ZNF578: variants seen among roughly 807,000 people sequenced by gnomAD.
The protein encoded by ZNF578 is Putative chemokine-related protein B42.
Under a neutral mutation model 8.3 loss-of-function variants are expected in ZNF578, and 8 were observed. The observed-to-expected ratio is 0.96, with a 90% CI of 0.56 to 1.74. The LOEUF (loss-of-function observed/expected upper bound fraction) is 1.74. Among genes scored for constraint, ZNF578 ranks in the 40% most tolerant of loss-of-function variants. The probability of loss-of-function intolerance (pLI) is 0.00; values close to 1 mark genes in which losing one functional copy is unlikely to be tolerated. For missense variants in ZNF578, 726 were observed against 707.5 expected, an observed-to-expected ratio of 1.03 and a Z score of -0.30; for synonymous variants, 206 against 232.2, an observed-to-expected ratio of 0.89 and a Z score of 1.03.
chr19:52,491,707 T>A (rs2059365519), intron 3 of ZNF578, among the ~76,000 whole-genome samples: 1 of 151,916 alleles, frequency 6.6e-6, no homozygotes, highest in Non-Finnish European at 1.5e-5. Context: ...AGAGAAATAC[T>A]GTCTTAAAAA....
chr19:52,486,181 G>T (rs779856799), intron 2 of ZNF578, among the ~76,000 whole-genome samples: 2 of 152,186 alleles, frequency 1.3e-5, no homozygotes, highest in Non-Finnish European at 2.9e-5. Flanking sequence ...TTATGTATAT[G>T]CACATCAAAG....
chr19:52,484,109 G>T (rs1048559360), intron 2 of ZNF578, among the ~76,000 whole-genome samples: 1 of 152,202 alleles, frequency 6.6e-6, no homozygotes, highest in Non-Finnish European at 1.5e-5. Context: ...AGGAAAACTT[G>T]TGAACAAATG....
At chr19:52,469,167 G>GTTTTTTTTTTTTTTTTTTTTTTTTTTTT (rs3054902) in intron 2 of ZNF578, among the ~76,000 whole-genome samples, 1 of 130,614 alleles carries the variant, frequency 7.7e-6, no homozygotes, top group Non-Finnish European at 1.6e-5. Context: ...GTTTTTTTTT[G>GTTTTTTTTTTTTTTTTTTTTTTTTTTTT]TTTTTTTTTT....
rs1555751349 is a variant in ZNF578, at chr19:52,459,769, A to ATATATATTTTTTTTTT, written c.-122+2812_-122+2813insATATATTTTTTTTTTT. Among the ~76,000 whole-genome samples, 9 of 17,620 alleles carry ATATATATTTTTTTTTT rather than the reference A, an allele frequency of 5.1e-4. 3 individuals carry two copies. Among genetic ancestry groups the ATATATATTTTTTTTTT allele is most frequent in the East Asian group, 5.1e-3 (2 of 394 alleles). 11.6% of individuals were successfully genotyped at this position (17,620 alleles called of 152,430 possible). On this transcript the variant is annotated intron_variant, in intron 2 of 5. Transcript: ENST00000421239. ...TGTGTGTGTATATATATATATATAT[A>ATATATATTTTTTTTTT]TTTTTTTTTTTTTTTTTTTTTTTTG...
At chr19:52,471,699 A>G (rs1318767123) in intron 2 of ZNF578, among the ~76,000 whole-genome samples, 1 of 152,174 alleles carries the variant, frequency 6.6e-6, no homozygotes, top group Non-Finnish European at 1.5e-5. Context: ...AAGCCTCATT[A>G]TGTAATAAAC....
intron 2 of ZNF578, among the ~76,000 whole-genome samples, chr19:52,485,494 G>T (rs2059342359): frequency 6.6e-6 from 1 of 152,192 alleles, no homozygotes; most frequent in East Asian, 1.9e-4. Flanking sequence ...CATTTCTGAG[G>T]GCTGAGCTCA....
At chr19:52,481,221 C>G (rs543296122) in intron 2 of ZNF578, among the ~76,000 whole-genome samples, 11 of 152,258 alleles carry the variant, frequency 7.2e-5, no homozygotes, top group African/African-American at 2.6e-4. Context: ...CCTGGTGTCC[C>G]CATTCATCTG....
chr19:52,498,511 T>G (rs1469263100), intron 3 of ZNF578, among the ~76,000 whole-genome samples: 2 of 151,972 alleles, frequency 1.3e-5, no homozygotes, highest in Non-Finnish European at 2.9e-5. Context: ...TTTTGCATTT[T>G]TAGTAGAGAC....
intron 3 of ZNF578, among the ~76,000 whole-genome samples, chr19:52,500,635 G>A (rs891981621): frequency 3.3e-5 from 5 of 151,902 alleles, no homozygotes; most frequent in East Asian, 1.9e-4. Flanking sequence ...TGCCTTCCTC[G>A]GCCTCCCACA....
chr19:52,459,769 ATTTT>A (rs1164629700), intron 2 of ZNF578, among the ~76,000 whole-genome samples: 3 of 17,620 alleles, frequency 1.7e-4, no homozygotes, highest in East Asian at 5.1e-3. Flanking sequence ...ATATATATAT[ATTTT>A]TTTTTTTTTT....
At position 52,459,769 on chromosome 19, in the gene ZNF578, A is replaced by ATATATTTTTTTTTTTT. The variant is rs1555751349; in HGVS notation, c.-122+2812_-122+2813insATATTTTTTTTTTTTT. ...TGTGTGTGTATATATATATATATAT[A>ATATATTTTTTTTTTTT]TTTTTTTTTTTTTTTTTTTTTTTTG... On this transcript the variant is annotated intron_variant, in intron 2 of 5. Transcript: ENST00000421239. Among the ~76,000 whole-genome samples, 8 of 17,620 alleles carry ATATATTTTTTTTTTTT rather than the reference A, an allele frequency of 4.5e-4. 2 individuals carry two copies. The highest frequency in any genetic ancestry group is 0.012 in the South Asian group (2 of 164). 11.6% of individuals were successfully genotyped at this position (17,620 alleles called of 152,430 possible).
At chr19:52,500,986 C>T (rs1294118495) in intron 3 of ZNF578, among the ~76,000 whole-genome samples, 3 of 151,186 alleles carry the variant, frequency 2.0e-5, no homozygotes, top group African/African-American at 7.3e-5. Context: ...TCAAGCAATT[C>T]TCCTGCCTCA....
intron 2 of ZNF578, among the ~76,000 whole-genome samples, chr19:52,464,461 T>A (rs1258837114): frequency 6.6e-6 from 1 of 152,192 alleles, no homozygotes; most frequent in East Asian, 1.9e-4. Flanking sequence ...TCAAAATGAT[T>A]TTTATTTCAA....
At chr19:52,489,746 C>T (rs922842816) in intron 2 of ZNF578, among the ~76,000 whole-genome samples, 18 of 151,652 alleles carry the variant, frequency 1.2e-4, no homozygotes. Context: ...AGCTCTGCCT[C>T]CCGGGTTCAC....
intron 3 of ZNF578, among the ~76,000 whole-genome samples, chr19:52,498,268 T>TG (rs1435897112): frequency 6.6e-6 from 1 of 151,898 alleles, no homozygotes; most frequent in East Asian, 1.9e-4. Flanking sequence ...GCAATTCTTT[T>TG]GCCTCAGCCT....
At chr19:52,501,157 G>A (rs1416276617) in intron 3 of ZNF578, among the ~76,000 whole-genome samples, 7 of 152,156 alleles carry the variant, frequency 4.6e-5, no homozygotes, top group Admixed American at 2.6e-4. Context: ...GATTATAGGC[G>A]AGAGCCCCTG....
rs7260091 is a variant in ZNF578, at chr19:52,482,670, G to A, written c.-121-8654G>A. Among the ~76,000 whole-genome samples the A allele has an allele frequency of 7.9e-3, 1,195 of 152,078 alleles. 22 individuals carry two copies. Among genetic ancestry groups the A allele is most frequent in the African/African-American group, 0.028 (1,150 of 41,492 alleles). On this transcript the variant is annotated intron_variant, in intron 2 of 5. Coordinates refer to ENST00000421239, the MANE Select transcript of ZNF578 (RefSeq NM_001099694.2). ...ATTTTAAAAAAGGAACATCAAAGCCGGGCGTAGTGGCTCATGCCTGTAATC... is the reference window on the plus strand; with the variant it reads ...ATTTTAAAAAAGGAACATCAAAGCCAGGCGTAGTGGCTCATGCCTGTAATC...
In ZNF578 at chr19:52,499,689, G is replaced by GTTTTTTTTTTTTTTTTTTTTTT. The variant is rs66824085; in HGVS notation, c.-19-2125_-19-2124insTTTTTTTTTTTTTTTTTTTTTT. On this transcript the variant is annotated intron_variant, in intron 3 of 5. Coordinates refer to ENST00000421239, the MANE Select transcript of ZNF578 (RefSeq NM_001099694.2). Reference sequence around the variant, plus strand: ...TGAGAAGATACATCACTTCCAAATCGTTTTTTTTTTTTTGAGATGAATTTT... The same window carrying GTTTTTTTTTTTTTTTTTTTTTT: ...TGAGAAGATACATCACTTCCAAATCGTTTTTTTTTTTTTTTTTTTTTTTTTTTTTTTTTTTGAGATGAATTTT... Among the ~76,000 whole-genome samples, 146 of 141,544 alleles carry GTTTTTTTTTTTTTTTTTTTTTT rather than the reference G, an allele frequency of 1.0e-3. 10 individuals are homozygous for GTTTTTTTTTTTTTTTTTTTTTT. Among genetic ancestry groups the GTTTTTTTTTTTTTTTTTTTTTT allele is most frequent in the African/African-American group, 3.4e-3 (129 of 37,526 alleles). 92.9% of individuals were successfully genotyped at this position (141,544 alleles called of 152,430 possible). A position where few individuals can be genotyped will look rare whatever the true frequency, so the allele number is the denominator to read the frequency against.
rs868271130 is a variant in ZNF578 at position 52,495,222 on chromosome 19, G to T, written c.-20+3797G>T. Among the ~76,000 whole-genome samples, 740 of 115,652 alleles carry T rather than the reference G, an allele frequency of 6.4e-3. 6 individuals carry two copies. Among genetic ancestry groups the T allele is most frequent in the Middle Eastern group, 0.017 (4 of 238 alleles). 75.9% of individuals were successfully genotyped at this position (115,652 alleles called of 152,430 possible). On this transcript the variant is annotated intron_variant, in intron 3 of 5. Transcript: ENST00000421239. ...TCCTGTTGCCCAGGCTGGAGTGCAAGGGCACGATCTTGGCTAATGACTCTC... is the reference window on the plus strand; with the variant it reads ...TCCTGTTGCCCAGGCTGGAGTGCAATGGCACGATCTTGGCTAATGACTCTC...
Sources: gnomAD v4.1 joint callset for allele counts (sites outside exome capture counted in the v4.1 genomes callset) on GRCh38, gnomAD v4.1.1 for gene constraint, MANE v1.5 for transcripts, NCBI Gene and HGNC (gene_info 2026-07-23, HGNC 2026-07-21) for gene names.